Variants in SETX observed in about 807,000 individuals in gnomAD.
SETX encodes senataxin, also known as helicase senataxin.
SETX carries 90 observed loss-of-function variants against 227.2 expected under a neutral mutation model. The observed-to-expected ratio is 0.40, with a 90% CI of 0.33 to 0.47. SETX has a LOEUF of 0.47. Ranked by LOEUF, SETX falls within the 20% of genes least tolerant of loss-of-function variation. The probability of loss-of-function intolerance (pLI) is 0.91; values close to 1 mark genes in which losing one functional copy is unlikely to be tolerated. For synonymous variants in SETX, 1,210 were observed against 1,113.2 expected, an observed-to-expected ratio of 1.09 and a Z score of -1.73; for missense variants, 3,052 against 3,181.5, an observed-to-expected ratio of 0.96 and a Z score of 0.98.
Position 132,300,130 on chromosome 9 carries a change from C to CAA in SETX, c.5548+498_5548+499dup, listed in dbSNP as rs72582907. ...GGACAACAAGAGTGAAACTCCGTCT[C>CAA]AAAAAAAAAAAAAAAAAAAAAAAAA... On this transcript the variant is annotated intron_variant, in intron 12 of 25. Transcript: ENST00000224140. Among the ~76,000 whole-genome samples, 329 of 45,732 alleles carry CAA rather than the reference C, an allele frequency of 7.2e-3. 2 individuals carry two copies. The highest frequency in any genetic ancestry group is 0.013 in the Middle Eastern group (1 of 76). The allele number at this position is 45,732 out of a possible 152,430, so 30.0% of individuals were successfully genotyped here. A position where few individuals can be genotyped will look rare whatever the true frequency, so the allele number is the denominator to read the frequency against.
intron 20 of SETX, 147 bp downstream of exon 20, chr9:132,281,320 T>A: frequency 7.7e-6 from 5 of 646,256 alleles, no homozygotes; most frequent in South Asian, 6.8e-5. Flanking sequence ...TTTTTAAAAT[T>A]TATTAAGTGC....
chr9:132,290,056 A>C (rs1041943315), intron 15 of SETX, among the ~76,000 whole-genome samples: 1 of 151,964 alleles, frequency 6.6e-6, no homozygotes, highest in African/African-American at 2.4e-5. Context: ...TAAAAATAAA[A>C]AAATTAGCCA....
At chr9:132,317,635 T>C (rs1162546830) in intron 10 of SETX, among the ~76,000 whole-genome samples, 1 of 151,936 alleles carries the variant, frequency 6.6e-6, no homozygotes, top group African/African-American at 2.4e-5. Context: ...CATTTTCCTT[T>C]TTTTTTTTAA....
At chr9:132,282,314 G>A (rs76272363) in intron 19 of SETX, among the ~76,000 whole-genome samples, 1 of 95,674 alleles carries the variant, frequency 1.0e-5, no homozygotes, top group South Asian at 3.3e-4. Context: ...TTTTTTTTTT[G>A]AGAGAGAGAG....
At position 132,346,487 on chromosome 9, in the gene SETX, A is replaced by C. The variant is rs1398102335; in HGVS notation, c.178-16T>G. 3.8e-6 allele frequency: 6 copies of C among 1,567,706 alleles called. No homozygotes were observed. Among genetic ancestry groups the C allele is most frequent in the Non-Finnish European group, 2.6e-6 (3 of 1,142,744 alleles). ...CCCATAAAACCTAGAGGAAAATAAA[A>C]TGGGCAGTGTGCGTTATGTCTTATC... On this transcript the variant is annotated splice_polypyrimidine_tract_variant and intron_variant, in intron 3 of 25. Coordinates refer to ENST00000224140, the MANE Select transcript of SETX (RefSeq NM_015046.7).
At chr9:132,288,718 G>T in intron 15 of SETX, 67 bp from the exon 16 acceptor site, 1 of 1,005,406 alleles carries the variant, frequency 9.9e-7, no homozygotes. Flanking sequence ...TCTATACATA[G>T]TATCTATATT....
At chr9:132,283,914 A>G (rs1843681801) in intron 18 of SETX, among the ~76,000 whole-genome samples, 1 of 152,164 alleles carries the variant, frequency 6.6e-6, no homozygotes, top group Non-Finnish European at 1.5e-5. Flanking sequence ...TTTCCACAGT[A>G]AGGAACAGTC....
chr9:132,315,594 GCCC>G (rs899338653), intron 10 of SETX, among the ~76,000 whole-genome samples: 5 of 152,050 alleles, frequency 3.3e-5, no homozygotes, highest in South Asian at 2.1e-4. Flanking sequence ...TCAGCTTAGT[GCCC>G]CCTTTTTCCT....
chr9:132,339,309 C>T (rs547441588), intron 5 of SETX, among the ~76,000 whole-genome samples: 1 of 151,948 alleles, frequency 6.6e-6, no homozygotes, highest in African/African-American at 2.4e-5. Context: ...ACAGTGAAAC[C>T]CCATCTCTAC....
rs139347043 is a variant in SETX, at chr9:132,344,271, T to G, written c.389-1472A>C. ...CGCTGTTGCCCAGAATGAAGTACAGTGGTGTGCTCATGGCTCACCTCAGGC... is the reference window on the plus strand; with the variant it reads ...CGCTGTTGCCCAGAATGAAGTACAGGGGTGTGCTCATGGCTCACCTCAGGC... On this transcript the variant is annotated intron_variant, in intron 4 of 25. Coordinates refer to ENST00000224140, the MANE Select transcript of SETX (RefSeq NM_015046.7). Among the ~76,000 whole-genome samples, 58 of 152,298 alleles carry G rather than the reference T, an allele frequency of 3.8e-4. No homozygotes were observed. In the East Asian group the frequency reaches 0.011, roughly 28 times the overall value.
chr9:132,321,501 C>A (rs1246640180), intron 10 of SETX, among the ~76,000 whole-genome samples: 2 of 151,860 alleles, frequency 1.3e-5, no homozygotes, highest in African/African-American at 4.8e-5. Context: ...CTAAAAAATA[C>A]AAAAAATTAG....
chr9:132,270,476 C>T (rs192949739), intron 24 of SETX, among the ~76,000 whole-genome samples: 10 of 152,344 alleles, frequency 6.6e-5, no homozygotes, highest in Admixed American at 3.3e-4. Flanking sequence ...GCAGCTTTTC[C>T]GGGACTCCTT....
chr9:132,277,353 T>C (rs954853323), intron 21 of SETX, among the ~76,000 whole-genome samples: 22 of 152,208 alleles, frequency 1.4e-4, no homozygotes, highest in Admixed American at 4.6e-4. Context: ...GAGGTGTCTA[T>C]ATCATTAAAA....
chr9:132,328,774 G>A lies in SETX; in HGVS notation c.2824C>T (p.Gln942Ter). The A allele has an allele frequency of 6.2e-7, 1 of 1,610,886 alleles. No individual in the cohort carries two copies. The highest frequency in any genetic ancestry group is 8.5e-7 in the Non-Finnish European group (1 of 1,178,804). Residue 942 changes from glutamine to a stop codon, truncating the protein, a stop_gained, in exon 10 of 26, where the codon CAG becomes TAG. Transcript: ENST00000224140. LOFTEE classifies it high-confidence loss of function. ...GATTTAGGACTGATGTCAGGGGCCT[G>A]TTCTCTTGTCAAGTTAGAATAAATC... ...SVIYSNLTREQAPDISPKSDT... is the reference protein window; with the variant it reads ...SVIYSNLTRE
At chr9:132,352,428 T>G (rs1269995209) in intron 2 of SETX, among the ~76,000 whole-genome samples, 1 of 152,186 alleles carries the variant, frequency 6.6e-6, no homozygotes, top group African/African-American at 2.4e-5. Flanking sequence ...CTGCCTAGAT[T>G]GAAGCTGCCC....
intron 19 of SETX, 47 bp from the exon 20 acceptor site, chr9:132,281,621 T>C: frequency 7.7e-7 from 1 of 1,299,884 alleles, no homozygotes; most frequent in Non-Finnish European, 1.1e-6. Flanking sequence ...ATCTTTGCTA[T>C]TTATCCATAT....
chr9:132,269,437 C>A, intron 25 of SETX, 178 bp downstream of exon 25: 3 of 1,574,214 alleles, frequency 1.9e-6, no homozygotes, highest in East Asian at 2.4e-5. Context: ...GGGTTCTGGG[C>A]TGAAAAAAGG....
chr9:132,321,169 A>G (rs1846303757), intron 10 of SETX, among the ~76,000 whole-genome samples: 1 of 152,174 alleles, frequency 6.6e-6, no homozygotes, highest in Admixed American at 6.5e-5. Flanking sequence ...TTTCCCAGGT[A>G]AAATATGTGA....
At chr9:132,298,387 A>T in intron 12 of SETX, 75 bp from the exon 13 acceptor site, 1 of 1,205,258 alleles carries the variant, frequency 8.3e-7, no homozygotes, top group Non-Finnish European at 1.2e-6. Flanking sequence ...GTCATGCAGA[A>T]TTAGGTATTT....
Sources: gnomAD v4.1 joint callset for allele counts (sites outside exome capture counted in the v4.1 genomes callset) on GRCh38, gnomAD v4.1.1 for gene constraint, MANE v1.5 for transcripts, NCBI Gene and HGNC (gene_info 2026-07-23, HGNC 2026-07-21) for gene names.